The following GRM5 variants were observed in gnomAD, a reference collection of about 807,000 sequenced individuals.
GRM5 encodes the protein glutamate metabotropic receptor 5.
A neutral mutation model predicts 83.1 loss-of-function variants in GRM5; 19 were observed. The ratio of observed to expected loss-of-function variants is 0.23; its 90% CI spans 0.16 to 0.34. The LOEUF is 0.34. GRM5 is among the 10% of genes least tolerant of loss of function. GRM5 has a pLI of 1.00. For missense variants in GRM5, 1,160 were observed against 1,588.3 expected (o/e 0.73, Z 4.58); for synonymous variants, 675 against 633.6 (o/e 1.07, Z -0.98).
intron 2 of GRM5, among the ~76,000 whole-genome samples, chr11:88,868,753 C>T (rs922326493): frequency 1.6e-4 from 24 of 151,716 alleles, no homozygotes; most frequent in African/African-American, 4.8e-4. Context: ...AAAGTAACAG[C>T]GTCTTAGTAC....
intron 2 of GRM5, among the ~76,000 whole-genome samples, chr11:88,950,734 C>A (rs1487004075): frequency 2.0e-5 from 3 of 152,162 alleles, no homozygotes; most frequent in Admixed American, 6.5e-5. Flanking sequence ...CGCTCTCCTT[C>A]TGTCATTATT....
intron 4 of GRM5, among the ~76,000 whole-genome samples, chr11:88,628,803 T>C (rs1363128205): frequency 1.3e-5 from 2 of 152,182 alleles, no homozygotes; most frequent in South Asian, 4.1e-4. Flanking sequence ...CACAATCTAA[T>C]GTAGATTGTG....
At chr11:88,692,364 G>A (rs1423124192) in intron 3 of GRM5, among the ~76,000 whole-genome samples, 1 of 152,106 alleles carries the variant, frequency 6.6e-6, no homozygotes, top group Admixed American at 6.6e-5. Context: ...ATGTTTTAAG[G>A]CATAGATGCA....
At chr11:88,723,375 A>T (rs1421662369) in intron 3 of GRM5, among the ~76,000 whole-genome samples, 1 of 152,158 alleles carries the variant, frequency 6.6e-6, no homozygotes, top group African/African-American at 2.4e-5. Context: ...ATAAGTTTTC[A>T]GCTCAACTGG....
chr11:88,646,977 A>G (rs1198699023), intron 4 of GRM5, among the ~76,000 whole-genome samples: 2 of 151,824 alleles, frequency 1.3e-5, no homozygotes, highest in Non-Finnish European at 2.9e-5. Flanking sequence ...GAAGTCTGAA[A>G]TCAGGTGTCA....
intron 2 of GRM5, among the ~76,000 whole-genome samples, chr11:88,915,351 T>A (rs1212801182): frequency 1.3e-5 from 2 of 152,042 alleles, no homozygotes; most frequent in African/African-American, 2.4e-5. Context: ...ATTGTAAGAC[T>A]TTTTTTAATG....
At chr11:88,673,886 T>C (rs954746457) in intron 3 of GRM5, among the ~76,000 whole-genome samples, 35 of 21,754 alleles carry the variant, frequency 1.6e-3, no homozygotes, top group Admixed American at 6.5e-3. Context: ...GATGTGACAC[T>C]ATTTTGAAAA....
chr11:88,566,554 C>T (rs148067002), intron 8 of GRM5, among the ~76,000 whole-genome samples: 1 of 152,196 alleles, frequency 6.6e-6, no homozygotes. Context: ...ATCCTACATT[C>T]TTGTGCCTCT....
intron 4 of GRM5, among the ~76,000 whole-genome samples, chr11:88,624,890 G>T (rs1938748813): frequency 6.6e-6 from 1 of 152,106 alleles, no homozygotes; most frequent in Non-Finnish European, 1.5e-5. Context: ...CTGTGCTAGA[G>T]ACAGAGGTAA....
rs368245563 is a variant in GRM5 at position 88,507,957 on chromosome 11, A to G, written c.*635T>C. On this transcript the variant is annotated 3_prime_UTR_variant, in exon 10 of 10. Transcript: ENST00000305447. Reference sequence around the variant, plus strand: ...AATTGGAGAGGAAAATCTCTGGTAGAAGCCCTACGTAGTACATTAGCGCAG... The same window carrying G: ...AATTGGAGAGGAAAATCTCTGGTAGGAGCCCTACGTAGTACATTAGCGCAG... 5.2e-5 allele frequency: 8 copies of G among 152,542 alleles called. No homozygotes were observed. The highest frequency in any genetic ancestry group is 1.7e-4 in the African/African-American group (7 of 41,452). 9.4% of individuals were successfully genotyped at this position (152,542 alleles called of 1,614,324 possible). A position where few individuals can be genotyped will look rare whatever the true frequency, so the allele number is the denominator to read the frequency against.
intron 2 of GRM5, among the ~76,000 whole-genome samples, chr11:89,002,598 T>G (rs2135072424): frequency 6.6e-6 from 1 of 152,316 alleles, no homozygotes; most frequent in Non-Finnish European, 1.5e-5. Flanking sequence ...GGGCAACTTT[T>G]ACTTTGCATG....
At chr11:88,965,449 A>G (rs1464259842) in intron 2 of GRM5, among the ~76,000 whole-genome samples, 1 of 152,024 alleles carries the variant, frequency 6.6e-6, no homozygotes, top group Non-Finnish European at 1.5e-5. Flanking sequence ...ACCTCCAAAT[A>G]CCATTACATT....
chr11:88,751,092 AAAAC>A (rs1420227944), intron 3 of GRM5, among the ~76,000 whole-genome samples: 221 of 142,368 alleles, frequency 1.6e-3, no homozygotes, highest in African/African-American at 5.2e-3. Flanking sequence ...AAAAAAAAAA[AAAAC>A]AAAGAACAAA....
intron 3 of GRM5, among the ~76,000 whole-genome samples, chr11:88,786,598 G>A (rs1297425693): frequency 1.3e-5 from 2 of 151,986 alleles, no homozygotes; most frequent in African/African-American, 4.8e-5. Flanking sequence ...CCTCAACCTG[G>A]AGAGCTCTTT....
intron 1 of GRM5, among the ~76,000 whole-genome samples, chr11:89,049,407 A>G (rs1441034853): frequency 6.6e-6 from 1 of 152,178 alleles, no homozygotes; most frequent in Non-Finnish European, 1.5e-5. Context: ...CTTTGTTATC[A>G]ACTTTGCCAG....
chr11:88,876,004 G>C (rs567932276), intron 2 of GRM5, among the ~76,000 whole-genome samples: 1 of 151,992 alleles, frequency 6.6e-6, no homozygotes, highest in Admixed American at 6.6e-5. Flanking sequence ...GTCACCAGCC[G>C]CATTATCTCT....
intron 3 of GRM5, among the ~76,000 whole-genome samples, chr11:88,654,717 T>C (rs1439562955): frequency 6.6e-6 from 1 of 152,108 alleles, no homozygotes; most frequent in Non-Finnish European, 1.5e-5. Context: ...TTCAAATATT[T>C]CCATTTAACA....
At chr11:88,926,554 C>T (rs781562945) in intron 2 of GRM5, among the ~76,000 whole-genome samples, 7 of 152,098 alleles carry the variant, frequency 4.6e-5, no homozygotes, top group Admixed American at 2.0e-4. Context: ...TTTGTATTTG[C>T]TTAAAGACTA....
intron 5 of GRM5, among the ~76,000 whole-genome samples, chr11:88,601,683 C>T (rs763670052): frequency 3.9e-5 from 6 of 152,124 alleles, no homozygotes; most frequent in Non-Finnish European, 8.8e-5. Flanking sequence ...GTTAGTTGTA[C>T]TCAGTCTAAC....
Sources: gnomAD v4.1 joint callset for allele counts (sites outside exome capture counted in the v4.1 genomes callset) on GRCh38, gnomAD v4.1.1 for gene constraint, MANE v1.5 for transcripts, NCBI Gene and HGNC (gene_info 2026-07-23, HGNC 2026-07-21) for gene names.